TBL1X: variants seen among roughly 807,000 people sequenced by gnomAD.
TBL1X encodes transducin beta like 1 X-linked, also known as F-box-like/WD repeat-containing protein TBL1X.
A neutral mutation model predicts 50.7 loss-of-function variants in TBL1X; 10 were observed. The ratio of observed to expected loss-of-function variants is 0.20; its 90% confidence interval spans 0.12 to 0.33. TBL1X has a LOEUF of 0.33. TBL1X is among the 10% of genes least tolerant of loss of function. TBL1X has a pLI of 1.00. For synonymous variants in TBL1X, 190 were observed against 214.7 expected, an observed-to-expected ratio of 0.88 and a Z score of 1.01; for missense variants, 340 against 504.4, an observed-to-expected ratio of 0.67 and a Z score of 3.12.
chrX:9,701,851 G>A (rs1178791907), intron 12 of TBL1X, among the ~76,000 whole-genome samples: 3 of 111,709 alleles, frequency 2.7e-5, no homozygotes, highest in African/African-American at 6.5e-5. Context: ...CGAGAACGAA[G>A]AAAATGCGTC....
At chrX:9,683,159 T>C (rs1024108020) in intron 5 of TBL1X, among the ~76,000 whole-genome samples, 9 of 112,064 alleles carry the variant, frequency 8.0e-5, no homozygotes, top group Non-Finnish European at 1.5e-4. Flanking sequence ...CTCTCCTTGA[T>C]GAAGGGCTGT....
chrX:9,585,148 A>T (rs1277968440), intron 2 of TBL1X, among the ~76,000 whole-genome samples: 2 of 111,754 alleles, frequency 1.8e-5, no homozygotes, highest in Non-Finnish European at 3.8e-5. Flanking sequence ...TAACTAGAAG[A>T]GCAATCATGT....
chrX:9,542,733 A>G (rs2082221242), intron 2 of TBL1X, among the ~76,000 whole-genome samples: 1 of 111,798 alleles, frequency 8.9e-6, no homozygotes, highest in Non-Finnish European at 1.9e-5. Flanking sequence ...GGTGGTTAAA[A>G]CGTAAGCATC....
intron 17 of TBL1X, among the ~76,000 whole-genome samples, chrX:9,715,483 C>G (rs112609066): frequency 3.6e-5 from 4 of 111,943 alleles, no homozygotes; most frequent in African/African-American, 1.3e-4. Flanking sequence ...GGTGACCATA[C>G]TGATTCCTGT....
chrX:9,612,051 A>G (rs146877040), intron 2 of TBL1X, among the ~76,000 whole-genome samples: 1,825 of 112,913 alleles, frequency 0.016, 12 homozygotes, highest in Middle Eastern at 0.042. Context: ...ATTCGCCTGG[A>G]CCTTGGTCAG....
chrX:9,509,056 T>G (rs1439576375), intron 2 of TBL1X, among the ~76,000 whole-genome samples: 12 of 102,228 alleles, frequency 1.2e-4, no homozygotes, highest in Admixed American at 5.6e-4. Flanking sequence ...ACCTGCACGT[T>G]CTGCGCATGT....
At chrX:9,628,728 A>G (rs1311435081) in intron 2 of TBL1X, among the ~76,000 whole-genome samples, 1 of 110,818 alleles carries the variant, frequency 9.0e-6, no homozygotes, top group African/African-American at 3.3e-5. Context: ...TTGTATTTTT[A>G]GTAGAGACAG....
chrX:9,538,552 T>A (rs112192852), intron 2 of TBL1X, among the ~76,000 whole-genome samples: 4 of 112,701 alleles, frequency 3.5e-5, no homozygotes, highest in African/African-American at 1.3e-4. Flanking sequence ...AACTTTAGAC[T>A]GTACGTCCTT....
intron 1 of TBL1X, among the ~76,000 whole-genome samples, chrX:9,486,503 C>T (rs2081913198): frequency 9.0e-6 from 1 of 110,554 alleles, no homozygotes; most frequent in Non-Finnish European, 1.9e-5. Context: ...CAGAGTACAG[C>T]GATTATAAGC....
chrX:9,470,880 C>T (rs2081810428), intron 1 of TBL1X, among the ~76,000 whole-genome samples: 1 of 111,886 alleles, frequency 8.9e-6, no homozygotes, highest in South Asian at 3.7e-4. Flanking sequence ...ATGATCCACT[C>T]GCCTCGGCCT....
intron 1 of TBL1X, among the ~76,000 whole-genome samples, chrX:9,476,833 AAATC>A (rs760184604): frequency 2.4e-4 from 27 of 112,719 alleles, no homozygotes; most frequent in South Asian, 7.3e-4. Flanking sequence ...ACAAAAATAA[AAATC>A]AAATCAATTT....
Position 9,688,232 on chromosome X carries a change from A to G in TBL1X, c.573A>G (p.Arg191=), listed in dbSNP as rs1422689307. 8.3e-7 allele frequency: 1 copy of G among 1,199,588 alleles called. No homozygotes were observed. Among genetic ancestry groups the G allele is most frequent in the Non-Finnish European group, 1.1e-6 (1 of 889,022 alleles). The change falls in exon 7 of 18, where the codon AGA becomes AGG. Residue 191 remains arginine, a synonymous_variant. Transcript: ENST00000645353. The stretch of plus-strand genomic sequence containing the variant: ...CCCACCAAAATCCATCGAAGAACAG[A>G]GAGGCCACGGTGAATGGGGAAGAGA... The part of the protein sequence containing the change: ...GVSHQNPSKN[R]EATVNGEENR...
chrX:9,682,003 A>T (rs911384649), intron 5 of TBL1X, among the ~76,000 whole-genome samples: 1 of 112,957 alleles, frequency 8.9e-6, no homozygotes, highest in Non-Finnish European at 1.9e-5. Flanking sequence ...CCCAGAGTAG[A>T]TAAGGAAGAT....
chrX:9,707,731 C>G (rs1417645429), intron 13 of TBL1X, among the ~76,000 whole-genome samples: 1 of 112,633 alleles, frequency 8.9e-6, no homozygotes, highest in African/African-American at 3.2e-5. Flanking sequence ...CATACACATT[C>G]ACACTCATAG....
chrX:9,622,362 T>C, intron 2 of TBL1X, among the ~76,000 whole-genome samples: 1 of 111,598 alleles, frequency 9.0e-6, no homozygotes, highest in East Asian at 2.8e-4. Flanking sequence ...GGTGACTTCA[T>C]ATAGTGGAAT....
At chrX:9,519,298 G>C (rs897404190) in intron 2 of TBL1X, among the ~76,000 whole-genome samples, 30 of 111,253 alleles carry the variant, frequency 2.7e-4, no homozygotes, top group Non-Finnish European at 5.1e-4. Flanking sequence ...CTAGGCTGGA[G>C]TACAGTGGTG....
chrX:9,691,208 G>C (rs1260845965), intron 7 of TBL1X, among the ~76,000 whole-genome samples: 3 of 111,343 alleles, frequency 2.7e-5, no homozygotes, highest in Non-Finnish European at 3.8e-5. Flanking sequence ...GGCTGGGGCA[G>C]GTGGATCACT....
At chrX:9,686,617 T>C (rs753497495) in intron 6 of TBL1X, among the ~76,000 whole-genome samples, 18 of 112,697 alleles carry the variant, frequency 1.6e-4, no homozygotes, top group African/African-American at 5.1e-4. Context: ...AAGATCAGTT[T>C]GGTCCAGGAG....
At chrX:9,535,100 C>T (rs746558426) in intron 2 of TBL1X, 8 of 111,669 alleles carry the variant, frequency 7.2e-5, no homozygotes, top group African/African-American at 2.6e-4. Context: ...ACATGGGCTT[C>T]TGTCTTTTCA....
Sources: allele counts gnomAD v4.1 joint callset (sites outside exome capture counted in the v4.1 genomes callset), GRCh38; gene constraint gnomAD v4.1.1; transcripts MANE v1.5; gene names NCBI Gene and HGNC (gene_info 2026-07-23, HGNC 2026-07-21).